The following CFAP57 variants were observed in gnomAD, a reference collection of about 807,000 sequenced individuals.
CFAP57 encodes the protein cilia- and flagella-associated protein 57.
A neutral mutation model predicts 146.8 loss-of-function variants in CFAP57; 116 were observed. The ratio of observed to expected loss-of-function variants is 0.79; its 90% CI spans 0.68 to 0.92. CFAP57 has a LOEUF of 0.92. Among genes scored for constraint, CFAP57 ranks in the 40% least tolerant of loss-of-function variants. The pLI is 0.00. For synonymous variants in CFAP57, 518 were observed against 552.8 expected (o/e 0.94, Z 0.88); for missense variants, 1,377 against 1,527.2 (o/e 0.90, Z 1.64).
At chr1:43,173,803 G>GCCCCT (rs1645069459) in intron 2 of CFAP57, among the ~76,000 whole-genome samples, 1 of 152,110 alleles carries the variant, frequency 6.6e-6, no homozygotes, top group Non-Finnish European at 1.5e-5. Flanking sequence ...TCATCTATTT[G>GCCCCT]TGCAGATTCT....
Position 43,215,287 on chromosome 1 carries a change from G to A in CFAP57, c.1962G>A (p.Leu654=), listed in dbSNP as rs1005465865. 4.1e-5 allele frequency: 63 copies of A among 1,551,144 alleles called. No homozygotes were observed. The East Asian group carries it at 1.0e-3, about 25-fold the overall frequency. Residue 654 remains leucine (L), a synonymous_variant, in exon 12 of 23, where the codon CTG becomes CTA. Coordinates refer to ENST00000372492, the MANE Select transcript of CFAP57 (RefSeq NM_001378189.1). Reference sequence around the variant, plus strand: ...TTACCTTTGATGATCAGTTCCTGCTGACTGCTGCTGAGGATGGCTGCCTGT... The same window carrying A: ...TTACCTTTGATGATCAGTTCCTGCTAACTGCTGCTGAGGATGGCTGCCTGT... ...MLLTFDDQFL[L]TAAEDGCLFT...
intron 12 of CFAP57, among the ~76,000 whole-genome samples, chr1:43,217,462 T>G (rs1023135062): frequency 1.3e-5 from 2 of 152,094 alleles, no homozygotes; most frequent in African/African-American, 4.8e-5. Context: ...CATTCAGTGC[T>G]GACCATGCTG....
Position 43,199,470 on chromosome 1 carries a change from G to A in CFAP57, c.1509G>A (p.Glu503=). The A allele has an allele frequency of 3.1e-6, 5 of 1,614,186 alleles. No homozygotes were observed. The highest frequency in any genetic ancestry group is 4.2e-6 in the Non-Finnish European group (5 of 1,180,032). The part of the protein sequence containing the change: ...VIHVYTTTSL[E]NISSLKGHTG... Reference sequence around the variant, plus strand: ...ACGTTTACACCACCACGAGCCTAGAGAACATCTCAAGCCTGAAAGGACACA... The same window carrying A: ...ACGTTTACACCACCACGAGCCTAGAAAACATCTCAAGCCTGAAAGGACACA... The change falls in exon 9 of 23, where the codon GAG becomes GAA. Residue 503 remains glutamate (E), a synonymous_variant. Coordinates refer to ENST00000372492, the MANE Select transcript of CFAP57 (RefSeq NM_001378189.1).
chr1:43,187,446 C>T (rs532012222), intron 6 of CFAP57, among the ~76,000 whole-genome samples: 2 of 152,142 alleles, frequency 1.3e-5, no homozygotes, highest in East Asian at 3.9e-4. Context: ...TTTAACATAT[C>T]TTTCTCAGTA....
At position 43,197,628 on chromosome 1, in the gene CFAP57, C is replaced by A; in HGVS notation, c.1198C>A (p.Arg400Ser). ...CATCACCGGTCTAGCTACCTGCATCCGCAAACCCCTTATAGCCACCTGTTC... is the reference window on the plus strand; with the variant it reads ...CATCACCGGTCTAGCTACCTGCATCAGCAAACCCCTTATAGCCACCTGTTC... ...APITGLATCI[R>S]KPLIATCSLD... The change falls in exon 7 of 23, where the codon CGC (arginine) becomes AGC (serine). Residue 400 changes from arginine to serine, a missense_variant. Arg to Ser is a moderately radical substitution (Grantham distance 110). Coordinates refer to ENST00000372492, the MANE Select transcript of CFAP57 (RefSeq NM_001378189.1). 6.2e-7 allele frequency: 1 copy of A among 1,614,146 alleles called. No individual in the cohort carries two copies. Among genetic ancestry groups the A allele is most frequent in the Non-Finnish European group, 8.5e-7 (1 of 1,180,038 alleles).
chr1:43,174,171 CAGAT>C (rs1246275832), intron 2 of CFAP57, among the ~76,000 whole-genome samples: 1 of 151,496 alleles, frequency 6.6e-6, no homozygotes, highest in Admixed American at 6.6e-5. Flanking sequence ...AATAATTTGT[CAGAT>C]ATATATATAT....
In CFAP57 at chr1:43,172,336, G is replaced by A; in HGVS notation, c.-137G>A. ...GCTTCCGGCGGCAAACCATACTTCC[G>A]GTTTGTCGTTGCTATAGGAACCGCT... On this transcript the variant is annotated 5_prime_UTR_variant, in exon 1 of 23. Transcript: ENST00000372492. 1 of 1,551,598 alleles carries A rather than the reference G, an allele frequency of 6.4e-7. No individual in the cohort carries two copies. The highest frequency in any genetic ancestry group is 8.7e-7 in the Non-Finnish European group (1 of 1,146,980).
chr1:43,227,189 TA>T, intron 18 of CFAP57, 63 bp downstream of exon 18: 1 of 1,442,290 alleles, frequency 6.9e-7, no homozygotes, highest in Non-Finnish European at 9.1e-7. Flanking sequence ...CACAATTGGC[TA>T]GCTGGCCTCA....
intron 6 of CFAP57, among the ~76,000 whole-genome samples, chr1:43,193,245 T>G (rs1263514507): frequency 1.3e-5 from 2 of 152,198 alleles, no homozygotes; most frequent in Non-Finnish European, 2.9e-5. Context: ...CTCAATATAT[T>G]TGTATCTTTG....
intron 12 of CFAP57, among the ~76,000 whole-genome samples, chr1:43,217,824 C>G (rs1255355884): frequency 2.6e-5 from 4 of 152,078 alleles, no homozygotes; most frequent in Admixed American, 6.5e-5. Flanking sequence ...TCAGCCTGAT[C>G]GGGTTCGATG....
At chr1:43,231,231 C>T (rs1031160368) in intron 18 of CFAP57, among the ~76,000 whole-genome samples, 7 of 152,130 alleles carry the variant, frequency 4.6e-5, no homozygotes, top group African/African-American at 1.4e-4. Flanking sequence ...CCTTTTGTGT[C>T]TAGAACATGG....
intron 9 of CFAP57, among the ~76,000 whole-genome samples, chr1:43,203,731 T>C (rs1644236382): frequency 6.6e-6 from 1 of 152,184 alleles, no homozygotes. Context: ...AGTGCTGGGA[T>C]TACAGGTGTG....
chr1:43,174,771 G>T (rs531975310), intron 2 of CFAP57, among the ~76,000 whole-genome samples: 2 of 152,138 alleles, frequency 1.3e-5, no homozygotes, highest in Non-Finnish European at 2.9e-5. Context: ...AGCCAAGATC[G>T]CACCACTGCA....
Position 43,247,922 on chromosome 1 carries a change from G to A in CFAP57, c.3538+4563G>A, listed in dbSNP as rs551434284. 7.9e-5 allele frequency among the ~76,000 whole-genome samples: 12 copies of A among 152,128 alleles called. No homozygotes were observed. In the South Asian group the frequency reaches 1.2e-3, roughly 16 times the overall value. ...GGGTGGATCACGAGGTCAGGAGATC[G>A]AGACCATCCTGGCTAACATGGTGAA... On this transcript the variant is annotated intron_variant, in intron 22 of 22. Transcript: ENST00000372492.
intron 6 of CFAP57, among the ~76,000 whole-genome samples, chr1:43,195,482 C>T (rs1442980841): frequency 6.6e-6 from 1 of 151,486 alleles, no homozygotes; most frequent in African/African-American, 2.4e-5. Flanking sequence ...GATCACGCCA[C>T]TGCACTCCAG....
intron 2 of CFAP57, among the ~76,000 whole-genome samples, chr1:43,178,698 T>C (rs1377185449): frequency 6.6e-6 from 1 of 152,206 alleles, no homozygotes; most frequent in East Asian, 1.9e-4. Context: ...GACTGTAAAC[T>C]AGTTCAAGCA....
chr1:43,198,596 A>G lies in CFAP57; in HGVS notation c.1378A>G (p.Ile460Val), dbSNP rs375804626. 112 of 1,614,010 alleles carry G rather than the reference A, an allele frequency of 6.9e-5. No homozygotes were observed. The highest frequency in any genetic ancestry group is 8.6e-5 in the Non-Finnish European group (102 of 1,180,030). Residue 460 changes from isoleucine to valine, a missense_variant, in exon 8 of 23, where the codon ATT becomes GTT. Physicochemically the swap from Ile to Val is conservative, Grantham distance 29. Coordinates refer to ENST00000372492, the MANE Select transcript of CFAP57 (RefSeq NM_001378189.1). Reference sequence around the variant, plus strand: ...CAAACTACGCCTCATGAATCTACTCATTGATGATATACGTTCTTTCAAAGA... The same window carrying G: ...CAAACTACGCCTCATGAATCTACTCGTTGATGATATACGTTCTTTCAAAGA... ...ADKLRLMNLL[I>V]DDIRSFKEYS... is the part of the protein sequence containing the mutation.
intron 11 of CFAP57, chr1:43,210,228 C>G (rs1034444719): frequency 7.7e-5 from 116 of 1,498,448 alleles, no homozygotes; most frequent in Admixed American, 2.3e-4. Flanking sequence ...CACTTGACCA[C>G]AGCTGCCTCC....
At chr1:43,179,136 G>T (rs941087712) in intron 2 of CFAP57, among the ~76,000 whole-genome samples, 6 of 152,062 alleles carry the variant, frequency 3.9e-5, no homozygotes, top group African/African-American at 1.5e-4. Context: ...GGCCTGTTGT[G>T]GGGTGCGGGG....
Sources: allele counts gnomAD v4.1 joint callset (sites outside exome capture counted in the v4.1 genomes callset), GRCh38; gene constraint gnomAD v4.1.1; transcripts MANE v1.5; gene names NCBI Gene and HGNC (gene_info 2026-07-23, HGNC 2026-07-21).